The following ATRX variants were observed in gnomAD, a reference collection of about 807,000 sequenced individuals.
ATRX encodes the protein chromatin remodeler ATRX.
A neutral mutation model predicts 172.6 loss-of-function variants in ATRX; 12 were observed. The observed-to-expected ratio is 0.07, with a 90% CI of 0.04 to 0.11. The LOEUF is 0.11. ATRX is among the 10% of genes least tolerant of loss of function. The pLI is 1.00. For synonymous variants in ATRX, 674 were observed against 594.7 expected (o/e 1.13, Z -1.94); for missense variants, 1,368 against 1,767.4 (o/e 0.77, Z 4.05).
At chrX:77,518,329 T>C (rs966217588) in intron 34 of ATRX, among the ~76,000 whole-genome samples, 1 of 112,055 alleles carries the variant, frequency 8.9e-6, no homozygotes. Context: ...AGTGGCAGCA[T>C]ACAAAATCAG....
rs1215840980 is a variant in ATRX, at chrX:77,716,128, TTTTTTTTTTTTTTTTTTGA to T, written c.133+984_133+1002del. On this transcript the variant is annotated intron_variant, in intron 2 of 34. Coordinates refer to ENST00000373344, the MANE Select transcript of ATRX (RefSeq NM_000489.6). ...TCTAAAAATTTTTTTTTTTTTTTTT[TTTTTTTTTTTTTTTTTTGA>T]AATTAACCAGGCATGGTGGCACACA... 2.0e-4 allele frequency among the ~76,000 whole-genome samples: 4 copies of T among 20,122 alleles called. No individual in the cohort carries two copies. In the Admixed American group the frequency reaches 3.1e-3, roughly 16 times the overall value. The allele number at this position is 20,122 out of a possible 115,157, so 17.5% of individuals were successfully genotyped here. A position where few individuals can be genotyped will look rare whatever the true frequency, so the allele number is the denominator to read the frequency against.
chrX:77,748,287 G>A (rs1166363588), intron 1 of ATRX, among the ~76,000 whole-genome samples: 1 of 111,594 alleles, frequency 9.0e-6, no homozygotes, highest in Admixed American at 9.6e-5. Flanking sequence ...ACCTTTTATG[G>A]TATAAAGGGG....
At chrX:77,559,608 C>T (rs1358337530) in intron 28 of ATRX, among the ~76,000 whole-genome samples, 2 of 108,042 alleles carry the variant, frequency 1.9e-5, no homozygotes, top group African/African-American at 6.8e-5. Flanking sequence ...ACAGGAACAC[C>T]ACCATGCCTG....
At chrX:77,620,914 A>G (rs2067551658) in intron 19 of ATRX, among the ~76,000 whole-genome samples, 1 of 112,348 alleles carries the variant, frequency 8.9e-6, no homozygotes, top group Non-Finnish European at 1.9e-5. Context: ...AACTTAAACT[A>G]TCAGCAAAGA....
At chrX:77,677,061 TC>T (rs2070911946) in intron 9 of ATRX, among the ~76,000 whole-genome samples, 1 of 107,939 alleles carries the variant, frequency 9.3e-6, no homozygotes, top group South Asian at 4.1e-4. Flanking sequence ...GGCGGAGGTT[TC>T]AGTAAGCCAA....
intron 2 of ATRX, among the ~76,000 whole-genome samples, chrX:77,716,261 T>C (rs2073393383): frequency 1.4e-5 from 1 of 72,302 alleles, no homozygotes; most frequent in African/African-American, 6.0e-5. Flanking sequence ...ATTACACCAC[T>C]ACACTCCAGT....
chrX:77,581,904 A>C, intron 27 of ATRX, among the ~76,000 whole-genome samples: 1 of 112,210 alleles, frequency 8.9e-6, no homozygotes, highest in East Asian at 2.8e-4. Context: ...CATAGAATTT[A>C]AACAACACAT....
intron 27 of ATRX, among the ~76,000 whole-genome samples, chrX:77,578,815 G>A (rs1207402946): frequency 8.0e-5 from 9 of 112,030 alleles, no homozygotes; most frequent in Middle Eastern, 4.2e-3. Flanking sequence ...TGGCCACAGC[G>A]GACAAAAGCA....
chrX:77,698,618 C>T lies in ATRX; in HGVS notation c.145G>A (p.Gly49Ser). ...ATCATATCAGAGTTACTTCCAGAAC[C>T]ACTGATTTTATCTAAAAAAGAAGAA... ...AMNQNTDKIS[G>S]SGSNSDMMEN... The change falls in exon 3 of 35, where the codon GGT becomes AGT. Residue 49 changes from glycine (G) to serine (S), a missense_variant. Physicochemically the swap from Gly to Ser is moderately conservative, Grantham distance 56 (BLOSUM62 0). Coordinates refer to ENST00000373344, the MANE Select transcript of ATRX (RefSeq NM_000489.6). 8.3e-7 allele frequency: 1 copy of T among 1,202,545 alleles called. No individual in the cohort carries two copies. Among genetic ancestry groups the T allele is most frequent in the East Asian group, 3.0e-5 (1 of 33,739 alleles).
At chrX:77,615,804 G>A (rs1366160353) in intron 22 of ATRX, among the ~76,000 whole-genome samples, 8 of 110,284 alleles carry the variant, frequency 7.3e-5, no homozygotes, top group African/African-American at 2.0e-4. Flanking sequence ...ATGTGTGTAC[G>A]TACTTCCATC....
At position 77,648,033 on chromosome X, in the gene ATRX, T is replaced by A. The variant is rs557018610; in HGVS notation, c.4557+4081A>T. ...CTTCAGGTGAAAGAAAATTACCAGA[T>A]AATACAGAGTCACATTACATGTTGT... On this transcript the variant is annotated intron_variant, in intron 15 of 34. Transcript: ENST00000373344. Among the ~76,000 whole-genome samples, 27 of 111,845 alleles carry A rather than the reference T, an allele frequency of 2.4e-4. No homozygotes were observed. The South Asian group carries it at 9.3e-3, about 38-fold the overall frequency.
chrX:77,558,579 C>A, intron 29 of ATRX, 90 bp downstream of exon 29: 1 of 839,101 alleles, frequency 1.2e-6, no homozygotes, highest in Non-Finnish European at 1.7e-6. Flanking sequence ...ACTTTGTTTC[C>A]CTCTCTGTAA....
intron 19 of ATRX, among the ~76,000 whole-genome samples, chrX:77,626,414 G>A (rs1322196685): frequency 9.1e-6 from 1 of 109,775 alleles, no homozygotes; most frequent in African/African-American, 3.3e-5. Context: ...AATACCACCT[G>A]TACCCCAATA....
intron 2 of ATRX, among the ~76,000 whole-genome samples, chrX:77,702,553 T>C (rs1361987864): frequency 1.8e-5 from 2 of 110,799 alleles, no homozygotes; most frequent in Non-Finnish European, 3.8e-5. Flanking sequence ...ACACTTGCAA[T>C]GAATAATCTC....
At chrX:77,531,706 C>T (rs1475775243) in intron 30 of ATRX, among the ~76,000 whole-genome samples, 2 of 111,742 alleles carry the variant, frequency 1.8e-5, no homozygotes, top group Non-Finnish European at 3.8e-5. Context: ...GAAGCATTCC[C>T]CTTGAAAACT....
At chrX:77,636,111 G>A (rs2148362075) in intron 15 of ATRX, 55 bp from the exon 16 acceptor site, 2 of 1,162,137 alleles carry the variant, frequency 1.7e-6, no homozygotes, top group African/African-American at 1.8e-5. Flanking sequence ...TCAAGCAATG[G>A]TCAGTCTTAC....
chrX:77,562,503 T>C (rs112757850), intron 28 of ATRX, among the ~76,000 whole-genome samples: 3,236 of 111,653 alleles, frequency 0.029, 115 homozygotes, highest in African/African-American at 0.1. Context: ...ATTTTAGCCA[T>C]GCTGATAGGT....
At chrX:77,643,927 A>G (rs1952728341) in intron 15 of ATRX, among the ~76,000 whole-genome samples, 1 of 110,018 alleles carries the variant, frequency 9.1e-6, no homozygotes, top group African/African-American at 3.3e-5. Context: ...GAGAGCAGGC[A>G]TTAAAAAAAA....
chrX:77,600,567 G>T lies in ATRX; in HGVS notation c.5567-3C>A. On this transcript the variant is annotated splice_region_variant and splice_polypyrimidine_tract_variant and intron_variant, in intron 22 of 34. Transcript: ENST00000373344. Reference sequence around the variant, plus strand: ...ACCTTCACTATTATTGCCCACACCTGATCAAAAGAAATATGGTTAAAGACA... The same window carrying T: ...ACCTTCACTATTATTGCCCACACCTTATCAAAAGAAATATGGTTAAAGACA... The T allele has an allele frequency of 8.3e-7, 1 of 1,209,292 alleles. No individual in the cohort carries two copies. The highest frequency in any genetic ancestry group is 1.1e-6 in the Non-Finnish European group (1 of 893,954).
Sources: allele counts gnomAD v4.1 joint callset (sites outside exome capture counted in the v4.1 genomes callset), GRCh38; gene constraint gnomAD v4.1.1; transcripts MANE v1.5; gene names NCBI Gene and HGNC (gene_info 2026-07-23, HGNC 2026-07-21).